Variants in TMEM117 observed in about 807,000 individuals in gnomAD.
TMEM117 encodes transmembrane protein 117.
TMEM117 carries 27 observed loss-of-function variants against 52.4 expected under a neutral mutation model. That is an observed-to-expected ratio of 0.51 (90% CI 0.38 to 0.71). TMEM117 has a LOEUF of 0.71. Among genes scored for constraint, TMEM117 ranks in the 30% least tolerant of loss-of-function variants. The probability of loss-of-function intolerance (pLI) is 0.00; values close to 1 mark genes in which losing one functional copy is unlikely to be tolerated. For missense variants in TMEM117, 556 were observed against 630.5 expected, an observed-to-expected ratio of 0.88 and a Z score of 1.26; for synonymous variants, 215 against 206.3, an observed-to-expected ratio of 1.04 and a Z score of -0.36.
At chr12:44,381,506 G>A (rs1015894919) in intron 7 of TMEM117, among the ~76,000 whole-genome samples, 21 of 152,170 alleles carry the variant, frequency 1.4e-4, no homozygotes, top group Non-Finnish European at 8.8e-5. Context: ...CAAAGGAAGT[G>A]TCCCATTGGT....
chr12:44,009,125 G>A (rs7960478), intron 3 of TMEM117: 24,569 of 324,108 alleles, frequency 0.076, 1,646 homozygotes, highest in African/African-American at 0.22. Context: ...GTTTACAAGT[G>A]GCAAGTTTCT....
chr12:44,237,321 T>A (rs1210102692), intron 5 of TMEM117, among the ~76,000 whole-genome samples: 1 of 152,134 alleles, frequency 6.6e-6, no homozygotes, highest in African/African-American at 2.4e-5. Flanking sequence ...GAATAGGTTT[T>A]TTTTTTACCT....
At chr12:44,086,366 A>G (rs1947566417) in intron 3 of TMEM117, among the ~76,000 whole-genome samples, 1 of 151,840 alleles carries the variant, frequency 6.6e-6, no homozygotes, top group Non-Finnish European at 1.5e-5. Context: ...GGTGCGTGCC[A>G]CCACTCCCAG....
chr12:44,152,476 CAT>C lies in TMEM117; in HGVS notation c.510+8858_510+8859del, dbSNP rs551894483. On this transcript the variant is annotated intron_variant, in intron 4 of 7. Transcript: ENST00000266534. ...AAAATTTTTATATCTATAATTATAT[CAT>C]ATATAAATTTTTATATATATAATTA... Among the ~76,000 whole-genome samples, 673 of 101,726 alleles carry C rather than the reference CAT, an allele frequency of 6.6e-3. 11 individuals carry two copies. The highest frequency in any genetic ancestry group is 0.027 in the African/African-American group (623 of 22,966). 66.7% of individuals were successfully genotyped at this position (101,726 alleles called of 152,430 possible). A position where few individuals can be genotyped will look rare whatever the true frequency, so the allele number is the denominator to read the frequency against.
chr12:44,134,166 C>T (rs77634441), intron 3 of TMEM117, among the ~76,000 whole-genome samples: 3,299 of 152,260 alleles, frequency 0.022, 54 homozygotes, highest in Middle Eastern at 0.085. Flanking sequence ...ACACACTCAC[C>T]GTTTGTCCCA....
chr12:43,909,726 A>C (rs949221889), intron 2 of TMEM117, among the ~76,000 whole-genome samples: 8 of 151,326 alleles, frequency 5.3e-5, no homozygotes, highest in African/African-American at 1.9e-4. Flanking sequence ...CTCTACGCAA[A>C]TAAACTAGAA....
intron 6 of TMEM117, among the ~76,000 whole-genome samples, chr12:44,310,464 C>G (rs180798327): frequency 6.6e-6 from 1 of 152,294 alleles, no homozygotes; most frequent in East Asian, 1.9e-4. Context: ...CATGGAGAAA[C>G]CCCATCTCTA....
At chr12:43,815,945 G>A in the TMEM117 span, among the ~76,000 whole-genome samples, 1 of 152,266 alleles carries the variant, frequency 6.6e-6, no homozygotes, top group Admixed American at 6.5e-5. Context: ...AATGTTTAGG[G>A]CTTCAAATTT....
intron 2 of TMEM117, among the ~76,000 whole-genome samples, chr12:43,849,155 T>C (rs138885709): frequency 2.4e-4 from 36 of 152,294 alleles, no homozygotes; most frequent in African/African-American, 8.2e-4. Flanking sequence ...TCCTACATAG[T>C]AATTATATGG....
intron 3 of TMEM117, among the ~76,000 whole-genome samples, chr12:43,999,002 C>T (rs1304682956): frequency 6.6e-6 from 1 of 152,176 alleles, no homozygotes; most frequent in Non-Finnish European, 1.5e-5. Context: ...TACTACAATT[C>T]ACTCACTAGG....
intron 3 of TMEM117, among the ~76,000 whole-genome samples, chr12:43,991,952 G>A (rs1163092756): frequency 6.6e-6 from 1 of 152,056 alleles, no homozygotes; most frequent in East Asian, 1.9e-4. Context: ...TTGAGCCCAG[G>A]AGTTTGAGAC....
chr12:43,979,843 G>A (rs1019114342), intron 3 of TMEM117, among the ~76,000 whole-genome samples: 11 of 152,130 alleles, frequency 7.2e-5, no homozygotes, highest in African/African-American at 2.7e-4. Context: ...TATCCAAATA[G>A]GACTTTGAGA....
chr12:44,030,509 T>C (rs1484064905), intron 3 of TMEM117, among the ~76,000 whole-genome samples: 2 of 152,190 alleles, frequency 1.3e-5, no homozygotes, highest in Non-Finnish European at 2.9e-5. Context: ...GTGTAATGTG[T>C]ATTTGAGACT....
intron 4 of TMEM117, among the ~76,000 whole-genome samples, chr12:44,152,356 A>C (rs1246078348): frequency 9.0e-6 from 1 of 110,704 alleles, no homozygotes; most frequent in Non-Finnish European, 1.6e-5. Context: ...TTATATATTT[A>C]TATGTATTAT....
chr12:44,224,306 G>C (rs747127510), intron 5 of TMEM117, among the ~76,000 whole-genome samples: 7 of 152,094 alleles, frequency 4.6e-5, no homozygotes, highest in Non-Finnish European at 8.8e-5. Context: ...TTAGGCGTTA[G>C]AGATTTTATT....
At chr12:44,243,290 G>A (rs1375562148) in intron 5 of TMEM117, among the ~76,000 whole-genome samples, 1 of 151,724 alleles carries the variant, frequency 6.6e-6, no homozygotes, top group Non-Finnish European at 1.5e-5. Context: ...TCAGATTTAG[G>A]TCAGAATAGA....
At chr12:44,324,775 T>C (rs1487533417) in intron 6 of TMEM117, among the ~76,000 whole-genome samples, 5 of 152,206 alleles carry the variant, frequency 3.3e-5, no homozygotes, top group Non-Finnish European at 7.4e-5. Context: ...TTAACTATTC[T>C]TTCCCAAGAT....
chr12:43,982,272 T>C (rs1237685100), intron 3 of TMEM117, among the ~76,000 whole-genome samples: 1 of 152,130 alleles, frequency 6.6e-6, no homozygotes, highest in African/African-American at 2.4e-5. Flanking sequence ...CCCCGAGGAA[T>C]ACAAAATGAT....
intron 4 of TMEM117, among the ~76,000 whole-genome samples, chr12:44,167,132 G>T (rs1351224876): frequency 1.7e-4 from 26 of 152,062 alleles, no homozygotes; most frequent in Admixed American, 1.7e-3. Context: ...GAAATTATAT[G>T]CAATAAAACG....
Sources: gnomAD v4.1 joint callset for allele counts (sites outside exome capture counted in the v4.1 genomes callset) on GRCh38, gnomAD v4.1.1 for gene constraint, MANE v1.5 for transcripts, NCBI Gene and HGNC (gene_info 2026-07-23, HGNC 2026-07-21) for gene names.